USP53: variants seen among roughly 807,000 people sequenced by gnomAD.
The protein encoded by USP53 is ubiquitin specific peptidase 53.
USP53 carries 71 observed loss-of-function variants against 94.9 expected under a neutral mutation model. The observed-to-expected ratio is 0.75, with a 90% confidence interval of 0.62 to 0.91. The LOEUF is 0.91. Ranked by LOEUF, USP53 falls within the 40% of genes least tolerant of loss-of-function variation. The pLI is 0.00. For synonymous variants in USP53, 375 were observed against 422.7 expected (o/e 0.89, Z 1.39); for missense variants, 1,173 against 1,281.0 (o/e 0.92, Z 1.29).
intron 6 of USP53, among the ~76,000 whole-genome samples, chr4:119,247,383 G>T (rs1252294107): frequency 6.6e-6 from 1 of 152,026 alleles, no homozygotes; most frequent in African/African-American, 2.4e-5. Flanking sequence ...TGTCCTCATG[G>T]CTAACACCCT....
At chr4:119,219,166 T>A (rs1744186909) in intron 3 of USP53, 1 of 151,812 alleles carries the variant, frequency 6.6e-6, no homozygotes, top group African/African-American at 2.4e-5. Context: ...TTATATTAGT[T>A]TCCTAGGGCT....
intron 3 of USP53, chr4:119,220,592 G>C (rs1744380983): frequency 6.6e-6 from 1 of 152,152 alleles, no homozygotes; most frequent in Admixed American, 6.5e-5. Flanking sequence ...TAAACAGTTA[G>C]GAGAATATAA....
At chr4:119,282,908 G>A (rs1002193975) in intron 17 of USP53, among the ~76,000 whole-genome samples, 5 of 152,066 alleles carry the variant, frequency 3.3e-5, no homozygotes, top group Admixed American at 1.3e-4. Flanking sequence ...AAAATTTAAA[G>A]AGCCTTAGAA....
In USP53 at chr4:119,293,085, A is replaced by G. The variant is rs1754950632; in HGVS notation, c.3096A>G (p.Thr1032=). The G allele has an allele frequency of 6.2e-7, 1 of 1,614,084 alleles. No homozygotes were observed. The highest frequency in any genetic ancestry group is 8.5e-7 in the Non-Finnish European group (1 of 1,179,948). The part of the protein sequence containing the change: ...LDSISTCPNE[T]VSLTTYFSVD... ...CTATTTCTACCTGTCCAAATGAGAC[A>G]GTTTCATTAACTACCTATTTTTCAG... Residue 1032 remains threonine, a synonymous_variant, in exon 19 of 19, where the codon ACA becomes ACG. Coordinates refer to ENST00000692078, the MANE Select transcript of USP53 (RefSeq NM_001371395.1).
At chr4:119,280,539 G>A (rs1181469878) in intron 17 of USP53, among the ~76,000 whole-genome samples, 4 of 152,246 alleles carry the variant, frequency 2.6e-5, no homozygotes, top group East Asian at 1.9e-4. Flanking sequence ...TGAGGTAAGC[G>A]TAAAGAAAAT....
chr4:119,291,143 T>TGGGCCCCC, intron 17 of USP53, 22 bp from the exon 18 acceptor site: 1 of 747,566 alleles, frequency 1.3e-6, no homozygotes. Flanking sequence ...TCATCTCTTC[T>TGGGCCCCC]CCCCACCCCA....
intron 17 of USP53, among the ~76,000 whole-genome samples, chr4:119,274,626 T>A (rs970371352): frequency 6.7e-6 from 1 of 150,002 alleles, no homozygotes; most frequent in African/African-American, 2.4e-5. Flanking sequence ...ATGGGATGGC[T>A]GGGTCAAATG....
chr4:119,291,270 A>AT lies in USP53; in HGVS notation c.2348+17dup, dbSNP rs34076547. On this transcript the variant is annotated intron_variant, in intron 18 of 18. Coordinates refer to ENST00000692078, the MANE Select transcript of USP53 (RefSeq NM_001371395.1). ...AATCATTTGATAAAAAGGTAACCAT[A>AT]TTTTTTTTCCCTAAATACATGTATT... 58 of 1,539,224 alleles carry AT rather than the reference A, an allele frequency of 3.8e-5. No homozygotes were observed. The highest frequency in any genetic ancestry group is 1.3e-4 in the South Asian group (11 of 84,528).
chr4:119,261,634 T>C, intron 11 of USP53, 81 bp from the exon 12 acceptor site: 1 of 1,176,622 alleles, frequency 8.5e-7, no homozygotes. Context: ...TCATTATGTG[T>C]CAAAGACATG....
chr4:119,293,193 T>C lies in USP53; in HGVS notation c.3204T>C (p.Cys1068=). 1 of 1,601,216 alleles carries C rather than the reference T, an allele frequency of 6.2e-7. No individual in the cohort carries two copies. The part of the protein sequence containing the change: ...KLSFPESSGF[C]NNSLS ...CTTTTCCAGAGAGCAGTGGCTTTTG[T>C]AATAATTCACTATCTTAGAGTGAAA... The change falls in exon 19 of 19, where the codon TGT becomes TGC. Residue 1068 remains cysteine (C), a synonymous_variant. Transcript: ENST00000692078.
chr4:119,268,493 T>C, intron 14 of USP53, 73 bp downstream of exon 14: 1 of 1,368,758 alleles, frequency 7.3e-7, no homozygotes, highest in Non-Finnish European at 9.8e-7. Flanking sequence ...CGGAGGATGC[T>C]TACCTAGCTT....
At chr4:119,267,568 T>C in intron 13 of USP53, 86 bp downstream of exon 13, 1 of 1,347,856 alleles carries the variant, frequency 7.4e-7, no homozygotes, top group Non-Finnish European at 9.9e-7. Context: ...AAAATGAATA[T>C]AGAGGATAAT....
At chr4:119,265,962 A>G (rs1454806032) in intron 12 of USP53, among the ~76,000 whole-genome samples, 5 of 152,200 alleles carry the variant, frequency 3.3e-5, no homozygotes, top group African/African-American at 1.2e-4. Flanking sequence ...TACCTATGTA[A>G]CTACCATAAT....
intron 7 of USP53, among the ~76,000 whole-genome samples, chr4:119,255,635 T>C (rs1183196269): frequency 6.6e-6 from 1 of 152,144 alleles, no homozygotes; most frequent in Non-Finnish European, 1.5e-5. Context: ...AGTGTATGGC[T>C]CCTCCAGGTA....
At chr4:119,279,645 G>A (rs988112230) in intron 17 of USP53, among the ~76,000 whole-genome samples, 12 of 152,082 alleles carry the variant, frequency 7.9e-5, no homozygotes, top group Middle Eastern at 3.4e-3. Flanking sequence ...CGAGCTTCCT[G>A]GCTGCTTTGT....
chr4:119,236,277 T>G (rs1350184118), intron 4 of USP53, among the ~76,000 whole-genome samples: 1 of 152,218 alleles, frequency 6.6e-6, no homozygotes, highest in African/African-American at 2.4e-5. Flanking sequence ...TTAAAAACTA[T>G]TGTTAGAAAA....
At chr4:119,234,391 A>C (rs1218943611) in intron 3 of USP53, among the ~76,000 whole-genome samples, 2 of 152,098 alleles carry the variant, frequency 1.3e-5, no homozygotes, top group Admixed American at 6.5e-5. Context: ...TAGGGTTGAG[A>C]TGGAGGGAGG....
intron 17 of USP53, among the ~76,000 whole-genome samples, chr4:119,279,631 A>T (rs933510699): frequency 1.3e-5 from 2 of 151,870 alleles, no homozygotes. Context: ...GGCTCCACCC[A>T]GTTCGAGCTT....
intron 2 of USP53, among the ~76,000 whole-genome samples, chr4:119,215,243 T>C (rs564461433): frequency 5.3e-5 from 8 of 152,322 alleles, no homozygotes; most frequent in African/African-American, 1.2e-4. Context: ...GTTACAAATA[T>C]AGTATTATTA....
Sources: gnomAD v4.1 joint callset for allele counts (sites outside exome capture counted in the v4.1 genomes callset) on GRCh38, gnomAD v4.1.1 for gene constraint, MANE v1.5 for transcripts, NCBI Gene and HGNC (gene_info 2026-07-23, HGNC 2026-07-21) for gene names.